The following SLC24A2 variants were observed in gnomAD, a reference collection of about 807,000 sequenced individuals.
SLC24A2 encodes sodium/potassium/calcium exchanger 2.
A neutral mutation model predicts 62.0 loss-of-function variants in SLC24A2; 36 were observed. That is an observed-to-expected ratio of 0.58 (90% CI 0.44 to 0.77). The LOEUF (loss-of-function observed/expected upper bound fraction) is 0.77. Among genes scored for constraint, SLC24A2 ranks in the 30% least tolerant of loss-of-function variants. The pLI is 0.00. For synonymous variants in SLC24A2, 358 were observed against 294.0 expected, an observed-to-expected ratio of 1.22 and a Z score of -2.23; for missense variants, 846 against 817.9, an observed-to-expected ratio of 1.03 and a Z score of -0.42.
chr9:20,154,649 T>TA, the SLC24A2 span, among the ~76,000 whole-genome samples: 1,409 of 147,400 alleles, frequency 9.6e-3, 25 homozygotes, highest in African/African-American at 0.033. Context: ...TTTCTAAGGT[T>TA]AAAAAAAAAA....
intron 8 of SLC24A2, among the ~76,000 whole-genome samples, chr9:19,548,904 C>G (rs2132740051): frequency 6.6e-6 from 1 of 152,304 alleles, no homozygotes. Context: ...AGTGCAGAAT[C>G]TGATGCATAT....
the SLC24A2 span, among the ~76,000 whole-genome samples, chr9:20,023,477 G>A: frequency 6.6e-6 from 1 of 152,152 alleles, no homozygotes; most frequent in African/African-American, 2.4e-5. Flanking sequence ...CACAATCTTT[G>A]TAGCTGTCAC....
the SLC24A2 span, among the ~76,000 whole-genome samples, chr9:20,233,050 T>A: frequency 2.6e-5 from 4 of 152,196 alleles, no homozygotes; most frequent in Non-Finnish European, 4.4e-5. Flanking sequence ...GTGAGTTTCT[T>A]AATCCTGAGT....
chr9:19,966,183 G>C, the SLC24A2 span, among the ~76,000 whole-genome samples: 1 of 152,126 alleles, frequency 6.6e-6, no homozygotes, highest in African/African-American at 2.4e-5. Context: ...TTTGGTAAAT[G>C]TTCCAGTTCC....
the SLC24A2 span, among the ~76,000 whole-genome samples, chr9:19,959,624 G>A: frequency 1.3e-5 from 2 of 152,130 alleles, no homozygotes; most frequent in Non-Finnish European, 2.9e-5. Context: ...TGCAGACCTA[G>A]TTATGTTATT....
chr9:19,929,609 G>A, the SLC24A2 span: 2 of 152,074 alleles, frequency 1.3e-5, no homozygotes, highest in East Asian at 1.9e-4. Context: ...AATAAATGAC[G>A]ATGTTACTGG....
At chr9:20,286,403 T>A in the SLC24A2 span, among the ~76,000 whole-genome samples, 1 of 152,248 alleles carries the variant, frequency 6.6e-6, no homozygotes, top group Non-Finnish European at 1.5e-5. Context: ...TTTTGTTCTT[T>A]GCTTATTTCC....
rs1832556722 is a variant in SLC24A2 at position 19,507,809 on chromosome 9, T to C, written c.*8344A>G. ...TGCATCCACTGGATTTTTGTAGGGA[T>C]GAGGATAGGGGTTACAATGCTCCTT... On this transcript the variant is annotated 3_prime_UTR_variant, in exon 11 of 11. Transcript: ENST00000341998. 1 of 152,200 alleles carries C rather than the reference T, an allele frequency of 6.6e-6. No individual in the cohort carries two copies. Among genetic ancestry groups the C allele is most frequent in the Non-Finnish European group, 1.5e-5 (1 of 68,038 alleles). 9.4% of individuals were successfully genotyped at this position (152,200 alleles called of 1,614,324 possible). A position where few individuals can be genotyped will look rare whatever the true frequency, so the allele number is the denominator to read the frequency against.
the SLC24A2 span, among the ~76,000 whole-genome samples, chr9:20,154,551 A>C: frequency 1.3e-5 from 2 of 151,776 alleles, no homozygotes; most frequent in African/African-American, 2.4e-5. Context: ...GCTTCCAAAA[A>C]GGAAACGTGT....
intron 7 of SLC24A2, among the ~76,000 whole-genome samples, chr9:19,559,059 T>C (rs749398327): frequency 2.0e-5 from 3 of 152,232 alleles, no homozygotes; most frequent in Admixed American, 1.3e-4. Flanking sequence ...ATGGTTGTTA[T>C]AAAATTAACT....
At chr9:19,988,803 C>T in the SLC24A2 span, among the ~76,000 whole-genome samples, 1 of 152,144 alleles carries the variant, frequency 6.6e-6, no homozygotes, top group Admixed American at 6.6e-5. Context: ...AACACTGAAT[C>T]CACTCAGTCC....
At chr9:19,724,260 G>A (rs1255552694) in intron 2 of SLC24A2, among the ~76,000 whole-genome samples, 1 of 152,140 alleles carries the variant, frequency 6.6e-6, no homozygotes, top group East Asian at 1.9e-4. Flanking sequence ...ACTTGGTTAA[G>A]TGCATAGCTG....
chr9:19,576,798 G>A (rs1836024431), intron 6 of SLC24A2, 126 bp downstream of exon 6: 1 of 737,442 alleles, frequency 1.4e-6, no homozygotes, highest in Non-Finnish European at 2.4e-6. Flanking sequence ...CTGTTGCACA[G>A]GGAAGGGCTG....
chr9:19,670,633 T>A (rs1045077605), intron 2 of SLC24A2, among the ~76,000 whole-genome samples: 1 of 152,194 alleles, frequency 6.6e-6, no homozygotes, highest in African/African-American at 2.4e-5. Context: ...CAAGAGCATA[T>A]AGCAAATAAA....
the SLC24A2 span, among the ~76,000 whole-genome samples, chr9:19,923,837 T>A: frequency 6.6e-6 from 1 of 151,892 alleles, no homozygotes; most frequent in Admixed American, 6.6e-5. Context: ...AATCTCCGCC[T>A]CCCAGGTTCA....
At chr9:20,163,582 ATCCCCATCAAGCTACCAATGACTT>A in the SLC24A2 span, among the ~76,000 whole-genome samples, 1 of 152,200 alleles carries the variant, frequency 6.6e-6, no homozygotes, top group African/African-American at 2.4e-5. Flanking sequence ...ATTCAATGCC[ATCCCCATCAAGCTACCAATGACTT>A]TCTTCACAGA....
the SLC24A2 span, among the ~76,000 whole-genome samples, chr9:20,271,885 G>T: frequency 6.6e-6 from 1 of 152,188 alleles, no homozygotes; most frequent in Non-Finnish European, 1.5e-5. Flanking sequence ...GCAAAAATTT[G>T]TACTTAATCA....
the SLC24A2 span, among the ~76,000 whole-genome samples, chr9:20,301,699 C>T: frequency 2.0e-5 from 3 of 152,024 alleles, no homozygotes; most frequent in East Asian, 5.8e-4. Context: ...CAACATCCCC[C>T]ACCAGCGTGG....
chr9:19,789,699 G>A (rs1564103525), upstream of SLC24A2, among the ~76,000 whole-genome samples: 1 of 152,314 alleles, frequency 6.6e-6, no homozygotes, highest in East Asian at 1.9e-4. Flanking sequence ...ATAGAATCAG[G>A]CTTGTTGGGG....
Sources: gnomAD v4.1 joint callset for allele counts (sites outside exome capture counted in the v4.1 genomes callset) on GRCh38, gnomAD v4.1.1 for gene constraint, MANE v1.5 for transcripts, NCBI Gene and HGNC (gene_info 2026-07-23, HGNC 2026-07-21) for gene names.